The following BTBD9 variants were observed in gnomAD, a reference collection of about 807,000 sequenced individuals.
BTBD9 encodes the protein BTB domain containing 9.
BTBD9 carries 49 observed loss-of-function variants against 64.3 expected under a neutral mutation model. That is an observed-to-expected ratio of 0.76 (90% CI 0.61 to 0.97). The LOEUF is 0.97. Among genes scored for constraint, BTBD9 ranks in the 50% least tolerant of loss-of-function variants. The probability of loss-of-function intolerance (pLI) is 0.00; values close to 1 mark genes in which losing one functional copy is unlikely to be tolerated. For synonymous variants in BTBD9, 260 were observed against 274.7 expected, an observed-to-expected ratio of 0.95 and a Z score of 0.53; for missense variants, 598 against 762.1, an observed-to-expected ratio of 0.78 and a Z score of 2.53.
chr6:38,318,669 C>T (rs753300963), intron 7 of BTBD9, among the ~76,000 whole-genome samples: 4 of 152,194 alleles, frequency 2.6e-5, no homozygotes, highest in African/African-American at 4.8e-5. Context: ...AAGAGTGACA[C>T]AAACACCGCT....
intron 7 of BTBD9, among the ~76,000 whole-genome samples, chr6:38,333,926 G>A (rs1763780242): frequency 6.6e-6 from 1 of 152,124 alleles, no homozygotes; most frequent in Admixed American, 6.5e-5. Context: ...GAAGAAGACA[G>A]GAAGATGAGG....
rs531455987 is a variant in BTBD9 at position 38,445,625 on chromosome 6, TA to T, written c.1155-100533del. 1.4e-4 allele frequency among the ~76,000 whole-genome samples: 21 copies of T among 152,280 alleles called. No individual in the cohort carries two copies. The East Asian group carries it at 3.9e-3, about 28-fold the overall frequency. ...AAACACATTCCTAAAATAGACTTGT[TA>T]AAAAAATATTCTTTTTGGGTTATCT... On this transcript the variant is annotated intron_variant, in intron 6 of 10. Transcript: ENST00000481247.
intron 6 of BTBD9, among the ~76,000 whole-genome samples, chr6:38,511,506 C>T (rs1205157071): frequency 6.6e-6 from 1 of 151,840 alleles, no homozygotes; most frequent in Non-Finnish European, 1.5e-5. Flanking sequence ...CCACGCCTGG[C>T]TAATTATTTT....
chr6:38,597,832 T>C (rs1343344256), intron 2 of BTBD9, 78 bp downstream of exon 2: 2 of 1,218,676 alleles, frequency 1.6e-6, no homozygotes, highest in Non-Finnish European at 1.2e-6. Context: ...TACTTGGTTA[T>C]ATATTTTTCA....
At chr6:38,207,711 A>G (rs533371251) in intron 9 of BTBD9, among the ~76,000 whole-genome samples, 1 of 152,308 alleles carries the variant, frequency 6.6e-6, no homozygotes, top group African/African-American at 2.4e-5. Flanking sequence ...GAGAATATAT[A>G]TACTTGTTTA....
At chr6:38,346,542 C>T (rs1764281768) in intron 6 of BTBD9, among the ~76,000 whole-genome samples, 1 of 146,144 alleles carries the variant, frequency 6.8e-6, no homozygotes, top group African/African-American at 2.5e-5. Flanking sequence ...CCAGAGCCCA[C>T]TGGTTAAGCA....
At chr6:38,614,704 C>T (rs1024665808) in intron 1 of BTBD9, among the ~76,000 whole-genome samples, 19 of 152,164 alleles carry the variant, frequency 1.2e-4, no homozygotes, top group African/African-American at 4.6e-4. Flanking sequence ...GTTTTTACCT[C>T]CTAAGATAGC....
At chr6:38,325,328 T>C (rs1356544136) in intron 7 of BTBD9, among the ~76,000 whole-genome samples, 3 of 152,122 alleles carry the variant, frequency 2.0e-5, no homozygotes, top group African/African-American at 4.8e-5. Context: ...AGGTATTGCA[T>C]GGAAAACTAA....
At chr6:38,474,317 G>A (rs1770785207) in intron 6 of BTBD9, among the ~76,000 whole-genome samples, 1 of 152,148 alleles carries the variant, frequency 6.6e-6, no homozygotes, top group Admixed American at 6.5e-5. Context: ...GAGGTCAAGA[G>A]CTTGAGATCA....
At chr6:38,539,714 C>T (rs6909533) in intron 6 of BTBD9, among the ~76,000 whole-genome samples, 28,294 of 152,030 alleles carry the variant, frequency 0.19, 2,679 homozygotes, top group East Asian at 0.27. Context: ...AAACTAGTGG[C>T]TAAACCAATT....
chr6:38,248,105 T>G (rs1410727942), intron 9 of BTBD9, among the ~76,000 whole-genome samples: 1 of 152,226 alleles, frequency 6.6e-6, no homozygotes, highest in African/African-American at 2.4e-5. Flanking sequence ...TAATTCTTTC[T>G]ACTTATGATA....
intron 7 of BTBD9, among the ~76,000 whole-genome samples, chr6:38,302,596 T>C (rs1762457978): frequency 6.6e-6 from 1 of 150,690 alleles, no homozygotes; most frequent in Non-Finnish European, 1.5e-5. Flanking sequence ...TTGTGAATTA[T>C]GCTGTAATAA....
At chr6:38,374,477 A>T (rs989855279) in intron 6 of BTBD9, among the ~76,000 whole-genome samples, 4 of 151,144 alleles carry the variant, frequency 2.6e-5, no homozygotes, top group African/African-American at 9.8e-5. Flanking sequence ...ATTGTATCCT[A>T]ATAAAACAAC....
intron 6 of BTBD9, among the ~76,000 whole-genome samples, chr6:38,512,941 A>G (rs1772838922): frequency 6.6e-6 from 1 of 152,224 alleles, no homozygotes; most frequent in Non-Finnish European, 1.5e-5. Flanking sequence ...CAAAGTTAAC[A>G]AAAGTATAAT....
chr6:38,568,609 G>A (rs1775624313), intron 6 of BTBD9, among the ~76,000 whole-genome samples: 1 of 152,194 alleles, frequency 6.6e-6, no homozygotes, highest in South Asian at 2.1e-4. Flanking sequence ...AGTGTTGGGA[G>A]AGTTGCAGTA....
rs138714282 is a variant in BTBD9, at chr6:38,185,637, A to C, written c.1641+6882T>G. 1.8e-3 allele frequency among the ~76,000 whole-genome samples: 267 copies of C among 152,286 alleles called. 3 individuals carry two copies. Among genetic ancestry groups the C allele is most frequent in the African/African-American group, 6.1e-3 (252 of 41,540 alleles). The stretch of plus-strand genomic sequence containing the variant: ...ATGCTATAAGGCACAGTTTTCCCAT[A>C]GAAATACCATGTGGGACAAGAAACA... On this transcript the variant is annotated intron_variant, in intron 10 of 10. Coordinates refer to ENST00000481247, the MANE Select transcript of BTBD9 (RefSeq NM_001099272.2).
rs1046677014 is a variant in BTBD9 at position 38,542,651 on chromosome 6, T to C, written c.1154+34949A>G. Among the ~76,000 whole-genome samples the C allele has an allele frequency of 5.3e-5, 8 of 152,158 alleles. 1 individual carries two copies. The South Asian group carries it at 1.5e-3, about 28-fold the overall frequency. ...GATGATATTTATAAATTTAAGACTT[T>C]AACAAAACACTCTAGATTCCTTACT... On this transcript the variant is annotated intron_variant, in intron 6 of 10. Coordinates refer to ENST00000481247, the MANE Select transcript of BTBD9 (RefSeq NM_001099272.2).
rs1292179760 is a variant in BTBD9, at chr6:38,171,278, A to C, written c.*3707T>G. On this transcript the variant is annotated 3_prime_UTR_variant, in exon 11 of 11. Transcript: ENST00000481247. Reference sequence around the variant, plus strand: ...CTGGGGCGACAGCATAATACTGGGCAATTTTTTGCACAATTCAAAAGCTTT... The same window carrying C: ...CTGGGGCGACAGCATAATACTGGGCCATTTTTTGCACAATTCAAAAGCTTT... 6.6e-6 allele frequency: 1 copy of C among 152,222 alleles called. No individual in the cohort carries two copies. The highest frequency in any genetic ancestry group is 1.5e-5 in the Non-Finnish European group (1 of 68,048). The allele number at this position is 152,222 out of a possible 1,614,324, so 9.4% of individuals were successfully genotyped here. A position where few individuals can be genotyped will look rare whatever the true frequency, so the allele number is the denominator to read the frequency against.
chr6:38,266,145 T>C (rs1340077544), intron 8 of BTBD9, among the ~76,000 whole-genome samples: 2 of 152,286 alleles, frequency 1.3e-5, no homozygotes, highest in Non-Finnish European at 2.9e-5. Flanking sequence ...GTTAATTTTC[T>C]TACATGGGCT....
Sources: allele counts gnomAD v4.1 joint callset (sites outside exome capture counted in the v4.1 genomes callset), GRCh38; gene constraint gnomAD v4.1.1; transcripts MANE v1.5; gene names NCBI Gene and HGNC (gene_info 2026-07-23, HGNC 2026-07-21).